Variants in FGGY observed in about 807,000 individuals in gnomAD.
The protein encoded by FGGY is FGGY carbohydrate kinase domain-containing protein.
FGGY carries 72 observed loss-of-function variants against 71.3 expected under a neutral mutation model. The observed-to-expected ratio is 1.01, with a 90% CI of 0.84 to 1.23. The LOEUF is 1.23. Among genes scored for constraint, FGGY ranks in the 50% most tolerant of loss-of-function variants. FGGY has a pLI of 0.00. For missense variants in FGGY, 668 were observed against 682.3 expected, an observed-to-expected ratio of 0.98 and a Z score of 0.23; for synonymous variants, 251 against 250.3, an observed-to-expected ratio of 1.00 and a Z score of -0.02.
At position 59,347,102 on chromosome 1, in the gene FGGY, C is replaced by CTTTTTT. The variant is rs58319841; in HGVS notation, c.465+707_465+708insTTTTTT. Among the ~76,000 whole-genome samples, 212 of 151,012 alleles carry CTTTTTT rather than the reference C, an allele frequency of 1.4e-3. 1 individual carries two copies. In the East Asian group the frequency reaches 0.016, roughly 12 times the overall value. On this transcript the variant is annotated intron_variant, in intron 4 of 15. Coordinates refer to ENST00000303721, the MANE Select transcript of FGGY (RefSeq NM_018291.5). ...TTTTCCTCTTTTTTTTTCGGTTATT[C>CTTTTTT]TTTATTATTATACTTTAAGTTTTAG...
At position 59,570,618 on chromosome 1, in the gene FGGY, T is replaced by C. The variant is rs557173671; in HGVS notation, c.903+16391T>C. ...GAGTGAAACAGTGAGAGATCCTGTT[T>C]GTAGTTCTGTGCAGACAAACCCAGA... On this transcript the variant is annotated intron_variant, in intron 8 of 15. Coordinates refer to ENST00000303721, the MANE Select transcript of FGGY (RefSeq NM_018291.5). Among the ~76,000 whole-genome samples the C allele has an allele frequency of 7.9e-5, 12 of 152,286 alleles. No individual in the cohort carries two copies. The South Asian group carries it at 2.3e-3, about 29-fold the overall frequency.
intron 5 of FGGY, among the ~76,000 whole-genome samples, chr1:59,449,731 G>C (rs1446373028): frequency 2.6e-5 from 4 of 152,084 alleles, no homozygotes; most frequent in Non-Finnish European, 5.9e-5. Flanking sequence ...ACAAAACTAA[G>C]GCAGGATGAT....
At position 59,531,664 on chromosome 1, in the gene FGGY, A is replaced by G. The variant is rs138680489; in HGVS notation, c.799+19225A>G. 5.8e-3 allele frequency among the ~76,000 whole-genome samples: 882 copies of G among 152,334 alleles called. 9 individuals are homozygous for G. Among genetic ancestry groups the G allele is most frequent in the Middle Eastern group, 0.02 (6 of 294 alleles). On this transcript the variant is annotated intron_variant, in intron 7 of 15. Coordinates refer to ENST00000303721, the MANE Select transcript of FGGY (RefSeq NM_018291.5). ...TTTGCTGAGTTGAAACCTGCAACTC[A>G]GAGGCCAAGAAGCTAAACACCAGTT...
At chr1:59,716,564 C>T (rs2097847533) in intron 14 of FGGY, among the ~76,000 whole-genome samples, 1 of 151,952 alleles carries the variant, frequency 6.6e-6, no homozygotes, top group Admixed American at 6.5e-5. Flanking sequence ...AAACTAGCAT[C>T]AAAGAAAAAA....
chr1:59,721,306 T>C (rs1486407807), intron 14 of FGGY, among the ~76,000 whole-genome samples: 2 of 148,672 alleles, frequency 1.3e-5, no homozygotes, highest in East Asian at 4.0e-4. Flanking sequence ...ATTGTGAAGA[T>C]GATACAGAGA....
chr1:59,653,708 G>A (rs547443450), intron 11 of FGGY, among the ~76,000 whole-genome samples: 234 of 152,324 alleles, frequency 1.5e-3, no homozygotes, highest in African/African-American at 5.2e-3. Flanking sequence ...GAAATCACCC[G>A]TCTTCTGCGT....
At chr1:59,395,605 A>G (rs2061234308) in intron 5 of FGGY, among the ~76,000 whole-genome samples, 2 of 152,198 alleles carry the variant, frequency 1.3e-5, no homozygotes, top group South Asian at 4.1e-4. Context: ...AATTATAATA[A>G]TAATAGTGCT....
At chr1:59,499,915 A>ATGTG (rs775113406) in intron 6 of FGGY, among the ~76,000 whole-genome samples, 1 of 151,980 alleles carries the variant, frequency 6.6e-6, no homozygotes, top group Non-Finnish European at 1.5e-5. Context: ...ATGTATATAT[A>ATGTG]TGTATGTGTG....
chr1:59,759,952 T>C (rs1375526094), intron 15 of FGGY, among the ~76,000 whole-genome samples: 1 of 152,214 alleles, frequency 6.6e-6, no homozygotes, highest in Non-Finnish European at 1.5e-5. Context: ...GTCACTTAAA[T>C]GTGCTTTGAG....
intron 14 of FGGY, among the ~76,000 whole-genome samples, chr1:59,683,723 A>C (rs962691325): frequency 2.3e-4 from 35 of 152,248 alleles, no homozygotes; most frequent in Non-Finnish European, 4.6e-4. Flanking sequence ...AGGAAATAAA[A>C]TAGCTGCTCC....
intron 7 of FGGY, among the ~76,000 whole-genome samples, chr1:59,523,332 G>A (rs918585193): frequency 6.6e-6 from 1 of 152,160 alleles, no homozygotes; most frequent in African/African-American, 2.4e-5. Context: ...GTTTACTTTG[G>A]GTCTTGCACA....
intron 10 of FGGY, among the ~76,000 whole-genome samples, chr1:59,627,481 TATATATATACAC>T (rs1172659165): frequency 2.1e-3 from 264 of 127,130 alleles, no homozygotes; most frequent in African/African-American, 9.3e-3. Flanking sequence ...TATATATATA[TATATATATACAC>T]ACACACACAC....
At chr1:59,580,517 A>G (rs1420246720) in intron 8 of FGGY, among the ~76,000 whole-genome samples, 2 of 152,140 alleles carry the variant, frequency 1.3e-5, no homozygotes, top group Non-Finnish European at 2.9e-5. Flanking sequence ...CCCAGAACTC[A>G]AAGTTTTCAG....
At chr1:59,679,829 A>AT in intron 14 of FGGY, among the ~76,000 whole-genome samples, 2 of 152,218 alleles carry the variant, frequency 1.3e-5, no homozygotes, top group Admixed American at 1.3e-4. Flanking sequence ...CTAATAGAAT[A>AT]TATTATAGCT....
intron 2 of FGGY, among the ~76,000 whole-genome samples, chr1:59,330,428 G>A (rs758808873): frequency 6.6e-6 from 1 of 152,012 alleles, no homozygotes; most frequent in Admixed American, 6.6e-5. Context: ...AATTAGCTGG[G>A]CGTGGTGGTG....
chr1:59,331,408 C>T (rs998570520), intron 2 of FGGY, among the ~76,000 whole-genome samples: 8 of 152,118 alleles, frequency 5.3e-5, no homozygotes, highest in South Asian at 2.1e-4. Flanking sequence ...AGGTAATGCA[C>T]GCCCCAACAC....
At chr1:59,576,101 T>C (rs905287283) in intron 8 of FGGY, among the ~76,000 whole-genome samples, 5 of 152,194 alleles carry the variant, frequency 3.3e-5, no homozygotes, top group Non-Finnish European at 5.9e-5. Flanking sequence ...CATGCACACA[T>C]ATGTTTATTG....
At chr1:59,363,259 G>A (rs954650805) in intron 4 of FGGY, among the ~76,000 whole-genome samples, 17 of 152,170 alleles carry the variant, frequency 1.1e-4, no homozygotes, top group African/African-American at 3.6e-4. Flanking sequence ...CCACTAATAA[G>A]TAGGAGAACC....
At chr1:59,499,324 A>G (rs567872585) in intron 6 of FGGY, among the ~76,000 whole-genome samples, 12 of 51,756 alleles carry the variant, frequency 2.3e-4, no homozygotes, top group African/African-American at 1.8e-3. Context: ...TTGATCTGGT[A>G]ACTGAGAGGA....
Sources: gnomAD v4.1 joint callset for allele counts (sites outside exome capture counted in the v4.1 genomes callset) on GRCh38, gnomAD v4.1.1 for gene constraint, MANE v1.5 for transcripts, NCBI Gene and HGNC (gene_info 2026-07-23, HGNC 2026-07-21) for gene names.